Variants in PCDHGC3 observed in about 807,000 individuals in gnomAD.
PCDHGC3 encodes protocadherin gamma-C3.
Under a neutral mutation model 59.2 loss-of-function variants are expected in PCDHGC3, and 26 were observed. The ratio of observed to expected loss-of-function variants is 0.44; its 90% CI spans 0.32 to 0.61. The LOEUF (loss-of-function observed/expected upper bound fraction) is 0.61, where lower values mean the gene tolerates loss of function less well. PCDHGC3 is among the 20% of genes least tolerant of loss of function. PCDHGC3 has a pLI of 0.05. For missense variants in PCDHGC3, 1,080 were observed against 1,221.8 expected (o/e 0.88, Z 1.73); for synonymous variants, 487 against 519.7 (o/e 0.94, Z 0.86).
chr5:141,494,428 G>A (rs1476469017), intron 1 of PCDHGC3, among the ~76,000 whole-genome samples: 1 of 152,148 alleles, frequency 6.6e-6, no homozygotes, highest in African/African-American at 2.4e-5. Flanking sequence ...TCATTGAAAA[G>A]CCTCCTTTGC....
Position 141,477,312 on chromosome 5 carries a change from TTACTTC to T in PCDHGC3, c.1198_1203del (p.Thr400_Ser401del), listed in dbSNP as rs773034406. Reference sequence around the variant, plus strand: ...GTTCCACCGGGTCTCCCTTTCAGCCTTACTTCTTCCCTCAAGAATTACTTCACTTTG... The same window carrying T: ...GTTCCACCGGGTCTCCCTTTCAGCCTTTCCCTCAAGAATTACTTCACTTTG... On this transcript the variant is annotated inframe_deletion, in exon 1 of 4. Coordinates refer to ENST00000308177, the MANE Select transcript of PCDHGC3 (RefSeq NM_002588.4). The surrounding 1 kb of genome is among the most constrained non-coding windows in gnomAD (Gnocchi z 4.9). The T allele has an allele frequency of 2.5e-6, 4 of 1,614,162 alleles. No homozygotes were observed. Among genetic ancestry groups the T allele is most frequent in the Non-Finnish European group, 3.4e-6 (4 of 1,180,032 alleles).
intron 2 of PCDHGC3, among the ~76,000 whole-genome samples, chr5:141,501,802 C>T (rs2099811151): frequency 1.3e-5 from 2 of 152,154 alleles, no homozygotes; most frequent in Non-Finnish European, 2.9e-5. Context: ...ATCTCTTACC[C>T]AGCTTCACAT....
Position 141,489,527 on chromosome 5 carries a change from G to A in PCDHGC3, c.2431-5280G>A. On this transcript the variant is annotated intron_variant, in intron 1 of 3. Coordinates refer to ENST00000308177, the MANE Select transcript of PCDHGC3 (RefSeq NM_002588.4). The surrounding 1 kb of genome is among the most constrained non-coding windows in gnomAD (Gnocchi z 4.5). The stretch of plus-strand genomic sequence containing the variant: ...CAAAAGATTGACCGAGAAAGCCTAT[G>A]TGGAGCCAGCACCAGCTGCCTGCTG... The A allele has an allele frequency of 1.9e-6, 3 of 1,614,152 alleles. No individual in the cohort carries two copies. Among genetic ancestry groups the A allele is most frequent in the East Asian group, 2.2e-5 (1 of 44,874 alleles).
In PCDHGC3 at chr5:141,486,047, C is replaced by T. The variant is rs763394605; in HGVS notation, c.2430+7501C>T. Reference sequence around the variant, plus strand: ...TCATACCCCTGATCGTGTAAGAAACCTCTTTAGCCTGCACCCCACTACTGG... The same window carrying T: ...TCATACCCCTGATCGTGTAAGAAACTTCTTTAGCCTGCACCCCACTACTGG... On this transcript the variant is annotated intron_variant, in intron 1 of 3. Transcript: ENST00000308177. The surrounding 1 kb of genome is among the most constrained non-coding windows in gnomAD (Gnocchi z 5.0). 2.5e-6 allele frequency: 4 copies of T among 1,614,054 alleles called. No individual in the cohort carries two copies. The African/African-American group carries it at 5.3e-5, about 22-fold the overall frequency.
Position 141,485,187 on chromosome 5 carries a change from T to A in PCDHGC3, c.2430+6641T>A, listed in dbSNP as rs1325714839. ...CGGGCGGCAGCAATGCTCCGCAAGG[T>A]GAGAAGCTGGACAGAAATCTGGCGG... On this transcript the variant is annotated intron_variant, in intron 1 of 3. Transcript: ENST00000308177. This position sits in a 1 kb window ranked among gnomAD's most constrained non-coding sequence, Gnocchi z 5.7. 1 of 1,613,502 alleles carries A rather than the reference T, an allele frequency of 6.2e-7. No individual in the cohort carries two copies. The highest frequency in any genetic ancestry group is 1.7e-5 in the Admixed American group (1 of 60,018).
chr5:141,497,538 AC>A lies in PCDHGC3; in HGVS notation c.2489+2675del, dbSNP rs1247704872. Among the ~76,000 whole-genome samples, 601 of 142,636 alleles carry A rather than the reference AC, an allele frequency of 4.2e-3. 3 individuals are homozygous for A. Among genetic ancestry groups the A allele is most frequent in the African/African-American group, 0.013 (497 of 38,408 alleles). The allele number at this position is 142,636 out of a possible 152,430, so 93.6% of individuals were successfully genotyped here. On this transcript the variant is annotated intron_variant, in intron 2 of 3. Coordinates refer to ENST00000308177, the MANE Select transcript of PCDHGC3 (RefSeq NM_002588.4). ...AGTTAACTTGTGGAGGATGCAACAA[AC>A]CTTTTTTTTTTTTTTTTTTAGACAG...
chr5:141,503,598 CAAAA>C (rs765754054), intron 2 of PCDHGC3, among the ~76,000 whole-genome samples: 2 of 65,756 alleles, frequency 3.0e-5, no homozygotes. Flanking sequence ...GACTCCAGCT[CAAAA>C]AAAAAAAAAA....
At position 141,486,804 on chromosome 5, in the gene PCDHGC3, C is replaced by G. The variant is rs755001457; in HGVS notation, c.2431-8003C>G. On this transcript the variant is annotated intron_variant, in intron 1 of 3. Transcript: ENST00000308177. This position sits in a 1 kb window ranked among gnomAD's most constrained non-coding sequence, Gnocchi z 5.0. ...CAGGCCCGGGATCGGGGCAACCCAC[C>G]CCTTAGCAGCACTGTAACAGTTCGT... 2 of 1,614,232 alleles carry G rather than the reference C, an allele frequency of 1.2e-6. No homozygotes were observed. The highest frequency in any genetic ancestry group is 3.3e-5 in the Admixed American group (2 of 60,032).
intron 1 of PCDHGC3, among the ~76,000 whole-genome samples, chr5:141,484,092 G>A (rs1594371151): frequency 6.6e-6 from 1 of 152,102 alleles, no homozygotes; most frequent in African/African-American, 2.4e-5. Flanking sequence ...AATGGTCTTC[G>A]TTGGTAATTA....
Position 141,478,563 on chromosome 5 carries a change from C to A in PCDHGC3, c.2430+17C>A. On this transcript the variant is annotated intron_variant, in intron 1 of 3. Coordinates refer to ENST00000308177, the MANE Select transcript of PCDHGC3 (RefSeq NM_002588.4). The stretch of plus-strand genomic sequence containing the variant: ...CCCGGACAGGTAAGGTTTAGCAAGT[C>A]ATGCTTGACCCTGTTAGTGCTTTTT... 1.3e-6 allele frequency: 2 copies of A among 1,596,270 alleles called. No individual in the cohort carries two copies. The highest frequency in any genetic ancestry group is 1.1e-5 in the South Asian group (1 of 89,426).
At chr5:141,500,619 G>A (rs1230172485) in intron 2 of PCDHGC3, among the ~76,000 whole-genome samples, 1 of 152,072 alleles carries the variant, frequency 6.6e-6, no homozygotes, top group East Asian at 1.9e-4. Context: ...CCAGTCATAC[G>A]GTACATTTCC....
chr5:141,478,179 A>C lies in PCDHGC3; in HGVS notation c.2063A>C (p.Lys688Thr). The C allele has an allele frequency of 6.2e-7, 1 of 1,613,996 alleles. No homozygotes were observed. The highest frequency in any genetic ancestry group is 8.5e-7 in the Non-Finnish European group (1 of 1,180,054). The change falls in exon 1 of 4, where the codon AAA becomes ACA. Residue 688 changes from lysine (K) to threonine (T), a missense_variant. Coordinates refer to ENST00000308177, the MANE Select transcript of PCDHGC3 (RefSeq NM_002588.4). ...PSGSAPREQK[K>T]NLTFYLLLSL... ...GGCTCTGCCCCCCGGGAGCAGAAAA[A>C]AAATCTCACCTTTTATCTACTTCTT...
rs780241180 is a variant in PCDHGC3, at chr5:141,490,819, C to A, written c.2431-3988C>A. On this transcript the variant is annotated intron_variant, in intron 1 of 3. Transcript: ENST00000308177. The surrounding 1 kb of genome is among the most constrained non-coding windows in gnomAD (Gnocchi z 5.4). ...CCAGCGTACCTTTGACTATGAATTGCTGCAGATGCTGCAGATTGTGGTGGG... is the reference window on the plus strand; with the variant it reads ...CCAGCGTACCTTTGACTATGAATTGATGCAGATGCTGCAGATTGTGGTGGG... 3 of 1,613,842 alleles carry A rather than the reference C, an allele frequency of 1.9e-6. No individual in the cohort carries two copies. The highest frequency in any genetic ancestry group is 2.5e-6 in the Non-Finnish European group (3 of 1,179,804).
chr5:141,486,578 C>A lies in PCDHGC3; in HGVS notation c.2430+8032C>A, dbSNP rs780578882. 5 of 1,613,610 alleles carry A rather than the reference C, an allele frequency of 3.1e-6. No homozygotes were observed. In the Admixed American group the frequency reaches 6.7e-5, roughly 22 times the overall value. On this transcript the variant is annotated intron_variant, in intron 1 of 3. Coordinates refer to ENST00000308177, the MANE Select transcript of PCDHGC3 (RefSeq NM_002588.4). The surrounding 1 kb of genome is among the most constrained non-coding windows in gnomAD (Gnocchi z 5.0). Reference sequence around the variant, plus strand: ...TGAGGTGTTTGTTCCTGAGAACAATCGCCCAGGGGACCTGCTTTGCTCCCT... The same window carrying A: ...TGAGGTGTTTGTTCCTGAGAACAATAGCCCAGGGGACCTGCTTTGCTCCCT...
Position 141,489,465 on chromosome 5 carries a change from T to C in PCDHGC3, c.2431-5342T>C. On this transcript the variant is annotated intron_variant, in intron 1 of 3. Transcript: ENST00000308177. The surrounding 1 kb of genome is among the most constrained non-coding windows in gnomAD (Gnocchi z 4.5). The stretch of plus-strand genomic sequence containing the variant: ...GCTCTGAGGAGAATGGGCGCTATTT[T>C]TCCCTGAGCTTGATGAGTGGTGCCC... The C allele has an allele frequency of 1.2e-6, 2 of 1,614,082 alleles. No homozygotes were observed. The highest frequency in any genetic ancestry group is 1.3e-5 in the African/African-American group (1 of 75,042).
chr5:141,494,762 A>G (rs770570158), intron 1 of PCDHGC3, 45 bp from the exon 2 acceptor site: 1 of 1,613,200 alleles, frequency 6.2e-7, no homozygotes, highest in South Asian at 1.1e-5. Flanking sequence ...TGACATTCTA[A>G]CTTCTCACGG....
rs2099629299 is a variant in PCDHGC3, at chr5:141,486,426, A to G, written c.2430+7880A>G. ...GCTGGACCCTTGGATCGAGAGGCCA[A>G]ATCTAGCTATGACATCATGGTCACT... On this transcript the variant is annotated intron_variant, in intron 1 of 3. Transcript: ENST00000308177. The surrounding 1 kb of genome is among the most constrained non-coding windows in gnomAD (Gnocchi z 5.0). 1.9e-6 allele frequency: 3 copies of G among 1,614,190 alleles called. No individual in the cohort carries two copies. Among genetic ancestry groups the G allele is most frequent in the Non-Finnish European group, 2.5e-6 (3 of 1,180,026 alleles).
chr5:141,477,158 A>G lies in PCDHGC3; in HGVS notation c.1042A>G (p.Asn348Asp), dbSNP rs1476516538. 1.2e-6 allele frequency: 2 copies of G among 1,614,154 alleles called. No individual in the cohort carries two copies. Among genetic ancestry groups the G allele is most frequent in the Non-Finnish European group, 1.7e-6 (2 of 1,180,018 alleles). ...GGTGGAGGTTGTGGATGTGAATGACAACGCCCCGGAGATCACAGTCACCTC... is the reference window on the plus strand; with the variant it reads ...GGTGGAGGTTGTGGATGTGAATGACGACGCCCCGGAGATCACAGTCACCTC... ...VLVEVVDVND[N>D]APEITVTSVY... The change falls in exon 1 of 4, where the codon AAC becomes GAC. Residue 348 changes from asparagine to aspartate, a missense_variant. Coordinates refer to ENST00000308177, the MANE Select transcript of PCDHGC3 (RefSeq NM_002588.4). This position sits in a 1 kb window ranked among gnomAD's most constrained non-coding sequence, Gnocchi z 4.9.
chr5:141,505,614 A>G (rs2154593732), intron 3 of PCDHGC3, 133 bp downstream of exon 3: 1 of 1,510,758 alleles, frequency 6.6e-7, no homozygotes, highest in Non-Finnish European at 8.9e-7. Context: ...GTCTGAAAGG[A>G]CCCACAATTC....
Sources: gnomAD v4.1 joint callset for allele counts (sites outside exome capture counted in the v4.1 genomes callset) on GRCh38, gnomAD v4.1.1 for gene constraint, Gnocchi (gnomAD v3.1) non-coding constraint, MANE v1.5 for transcripts, NCBI Gene and HGNC (gene_info 2026-07-23, HGNC 2026-07-21) for gene names.